Variants in EPS15L1 observed in about 807,000 individuals in gnomAD.
EPS15L1 encodes epidermal growth factor receptor pathway substrate 15 like 1, also known as epidermal growth factor receptor substrate 15-like 1.
EPS15L1 carries 43 observed loss-of-function variants against 117.1 expected under a neutral mutation model. That is an observed-to-expected ratio of 0.37 (90% CI 0.29 to 0.47). EPS15L1 has a LOEUF of 0.47. Ranked by LOEUF, EPS15L1 falls within the 20% of genes least tolerant of loss-of-function variation. The pLI, the probability that EPS15L1 is intolerant of heterozygous loss-of-function variation, is 0.99. For synonymous variants in EPS15L1, 459 were observed against 470.5 expected (o/e 0.98, Z 0.32); for missense variants, 981 against 1,164.0 (o/e 0.84, Z 2.29).
chr19:16,366,858 G>T (rs973202668), intron 22 of EPS15L1, among the ~76,000 whole-genome samples: 1 of 152,078 alleles, frequency 6.6e-6, no homozygotes, highest in Non-Finnish European at 1.5e-5. Flanking sequence ...TATTTTTAGC[G>T]GCTGTATTTT....
intron 1 of EPS15L1, among the ~76,000 whole-genome samples, chr19:16,457,991 G>C (rs566422088): frequency 1.3e-5 from 2 of 151,984 alleles, no homozygotes; most frequent in African/African-American, 2.4e-5. Flanking sequence ...AGTGTACCCC[G>C]GGCCTTCCCA....
At chr19:16,367,048 A>G (rs1279825771) in intron 22 of EPS15L1, among the ~76,000 whole-genome samples, 6 of 152,014 alleles carry the variant, frequency 3.9e-5, no homozygotes, top group Non-Finnish European at 5.9e-5. Flanking sequence ...ATACTTTTTT[A>G]TGGCTCCAGA....
intron 1 of EPS15L1, among the ~76,000 whole-genome samples, chr19:16,464,811 T>G (rs61537143): frequency 6.6e-6 from 1 of 151,894 alleles, no homozygotes; most frequent in Non-Finnish European, 1.5e-5. Context: ...CGGGTGGGCA[T>G]GGTGGCTCAC....
At chr19:16,415,827 G>A (rs1052540432) in intron 12 of EPS15L1, among the ~76,000 whole-genome samples, 1 of 152,190 alleles carries the variant, frequency 6.6e-6, no homozygotes, top group Non-Finnish European at 1.5e-5. Context: ...CACGACAGGG[G>A]CTCCCTCCAT....
At chr19:16,422,977 G>C (rs1001536461) in intron 9 of EPS15L1, among the ~76,000 whole-genome samples, 5 of 150,204 alleles carry the variant, frequency 3.3e-5, no homozygotes, top group Admixed American at 1.3e-4. Context: ...AAAAGGGGGG[G>C]GGGATTTCTC....
intron 6 of EPS15L1, among the ~76,000 whole-genome samples, chr19:16,435,492 G>T (rs1287879546): frequency 6.6e-6 from 1 of 152,008 alleles, no homozygotes; most frequent in Non-Finnish European, 1.5e-5. Context: ...TGGTTAAGAT[G>T]GTAAATGTTA....
chr19:16,393,602 T>C (rs1438395755), intron 18 of EPS15L1, among the ~76,000 whole-genome samples: 3 of 145,844 alleles, frequency 2.1e-5, no homozygotes, highest in Non-Finnish European at 4.5e-5. Context: ...TGAGCCGAGA[T>C]CGCGCCACTG....
chr19:16,427,336 A>G (rs2092882152), intron 8 of EPS15L1, among the ~76,000 whole-genome samples: 1 of 152,144 alleles, frequency 6.6e-6, no homozygotes, highest in Non-Finnish European at 1.5e-5. Flanking sequence ...CTTATCCAAA[A>G]TGCCTGGGAC....
At chr19:16,436,172 A>C (rs950992605) in intron 6 of EPS15L1, among the ~76,000 whole-genome samples, 2 of 152,170 alleles carry the variant, frequency 1.3e-5, no homozygotes, top group Non-Finnish European at 2.9e-5. Flanking sequence ...GGAGCAAACC[A>C]ACCGTGTAAA....
Position 16,404,547 on chromosome 19 carries a change from C to A in EPS15L1, c.1428+41G>T. 1.9e-6 allele frequency: 3 copies of A among 1,609,368 alleles called. No individual in the cohort carries two copies. The highest frequency in any genetic ancestry group is 2.5e-6 in the Non-Finnish European group (3 of 1,177,080). On this transcript the variant is annotated intron_variant, in intron 14 of 23. Coordinates refer to ENST00000455140, the MANE Select transcript of EPS15L1 (RefSeq NM_001258374.3). This position sits in a 1 kb window ranked among gnomAD's most constrained non-coding sequence, Gnocchi z 4.2. ...CAGGGGAGTCCTTGGGAAGCCCCTG[C>A]CTGTGCATAGGGCGCTGCCCCGGAG...
intron 16 of EPS15L1, among the ~76,000 whole-genome samples, chr19:16,399,681 GTT>G (rs5827337): frequency 4.3e-5 from 6 of 139,496 alleles, no homozygotes; most frequent in African/African-American, 7.9e-5. Context: ...GCTTTTTGGG[GTT>G]TTTTTTTTTT....
At position 16,471,773 on chromosome 19, in the gene EPS15L1, C is replaced by A; in HGVS notation, c.33+140G>T. 2 of 225,272 alleles carry A rather than the reference C, an allele frequency of 8.9e-6. No homozygotes were observed. The highest frequency in any genetic ancestry group is 8.4e-6 in the Non-Finnish European group (1 of 118,870). 14.0% of individuals were successfully genotyped at this position (225,272 alleles called of 1,614,324 possible). Reference sequence around the variant, plus strand: ...GGCCTGTCACCTTCAGGGCCGCCTGCCCACCCGCCCGCCGCAAGCCCTTCA... The same window carrying A: ...GGCCTGTCACCTTCAGGGCCGCCTGACCACCCGCCCGCCGCAAGCCCTTCA... On this transcript the variant is annotated intron_variant, in intron 1 of 23. Transcript: ENST00000455140. The surrounding 1 kb of genome is among the most constrained non-coding windows in gnomAD (Gnocchi z 4.8).
chr19:16,421,018 G>A (rs980104093), intron 10 of EPS15L1, among the ~76,000 whole-genome samples: 2 of 152,262 alleles, frequency 1.3e-5, no homozygotes, highest in African/African-American at 4.8e-5. Context: ...GTTAGAGCCA[G>A]CATCACAGCC....
Position 16,355,824 on chromosome 19 carries a change from A to T in EPS15L1, c.2614T>A (p.Trp872Arg). 1 of 1,536,030 alleles carries T rather than the reference A, an allele frequency of 6.5e-7. No homozygotes were observed. Among genetic ancestry groups the T allele is most frequent in the South Asian group, 1.2e-5 (1 of 84,058 alleles). ...GCCTTCTCGCTCTCCCGCTTGGCCC[A>T]CGCCAGCTGCTGCTCCTCATTGCCA... ...SFGNEEQQLA[W>R]AKRESEKAEQ... Residue 872 changes from tryptophan (W) to arginine (R), a missense_variant, in exon 24 of 24, where the codon TGG becomes AGG. Transcript: ENST00000455140.
intron 13 of EPS15L1, among the ~76,000 whole-genome samples, chr19:16,410,185 A>G (rs1030693902): frequency 6.6e-6 from 1 of 152,132 alleles, no homozygotes; most frequent in Non-Finnish European, 1.5e-5. Context: ...AATTTTTTCA[A>G]TATAAAAGGG....
chr19:16,425,400 G>T (rs943637189), intron 8 of EPS15L1, 84 bp from the exon 9 acceptor site: 27 of 927,968 alleles, frequency 2.9e-5, no homozygotes, highest in South Asian at 7.0e-5. Flanking sequence ...GCCCTTTGGG[G>T]GCTGCAGTGA....
rs1452748345 is a variant in EPS15L1, at chr19:16,441,965, G to C, written c.92C>G (p.Thr31Arg). Residue 31 changes from threonine to arginine, a missense_variant, in exon 3 of 24, where the codon ACA becomes AGA. Physicochemically the swap from Thr to Arg is moderately conservative, Grantham distance 71. Coordinates refer to ENST00000455140, the MANE Select transcript of EPS15L1 (RefSeq NM_001258374.3). ...AGCTTCACTCGCCCCCACCCTCCCT[G>C]TGTATGCCGGATCGACCTGAAATGG... ...SYYKQVDPAY[T>R]GRVGASEAAL... 2 of 1,613,722 alleles carry C rather than the reference G, an allele frequency of 1.2e-6. No homozygotes were observed.
At chr19:16,454,126 G>A (rs542456396) in intron 1 of EPS15L1, among the ~76,000 whole-genome samples, 44 of 152,320 alleles carry the variant, frequency 2.9e-4, no homozygotes, top group Admixed American at 3.9e-4. Context: ...AAGAGGGTTC[G>A]CTGTTTTCCC....
intron 12 of EPS15L1, among the ~76,000 whole-genome samples, chr19:16,416,971 G>A (rs550464899): frequency 3.9e-4 from 60 of 152,324 alleles, no homozygotes; most frequent in Admixed American, 9.8e-4. Context: ...CACAGACCTG[G>A]AGGCCCCTTC....
Sources: allele counts gnomAD v4.1 joint callset (sites outside exome capture counted in the v4.1 genomes callset), GRCh38; gene constraint gnomAD v4.1.1; non-coding constraint Gnocchi (gnomAD v3.1); transcripts MANE v1.5; gene names NCBI Gene and HGNC (gene_info 2026-07-23, HGNC 2026-07-21).